MMP24: variants seen among roughly 807,000 people sequenced by gnomAD.
MMP24 encodes the protein matrix metalloproteinase-24.
MMP24 carries 25 observed loss-of-function variants against 62.8 expected under a neutral mutation model. That is an observed-to-expected ratio of 0.40 (90% confidence interval 0.29 to 0.56). The LOEUF (loss-of-function observed/expected upper bound fraction) is 0.56, where lower values mean the gene tolerates loss of function less well. MMP24 is among the 20% of genes least tolerant of loss of function. The pLI is 0.50. For synonymous variants in MMP24, 319 were observed against 350.5 expected (o/e 0.91, Z 1.00); for missense variants, 634 against 853.6 (o/e 0.74, Z 3.21).
chr20:35,249,828 C>T (rs1444219124), intron 2 of MMP24, among the ~76,000 whole-genome samples: 2 of 151,892 alleles, frequency 1.3e-5, no homozygotes, highest in Non-Finnish European at 2.9e-5. Context: ...CTCCTGACCT[C>T]GTGATCCGCC....
chr20:35,267,323 C>T lies in MMP24; in HGVS notation c.1098C>T (p.Leu366=), dbSNP rs560750597. 102 of 1,589,506 alleles carry T rather than the reference C, an allele frequency of 6.4e-5. 1 individual carries two copies. Among genetic ancestry groups the T allele is most frequent in the South Asian group, 6.2e-4 (54 of 87,344 alleles). The change falls in exon 6 of 9, where the codon CTC becomes CTT. Residue 366 remains leucine, a synonymous_variant. Coordinates refer to ENST00000246186, the MANE Select transcript of MMP24 (RefSeq NM_006690.4). The part of the protein sequence containing the change: ...ERQPRPPRPP[L]GDRPSTPGTK... ...AGCCCAGGCCCCCTCGGCCGCCCCT[C>T]GGGGACCGGCCATCCACACCAGGCA...
chr20:35,275,879 T>G lies in MMP24; in HGVS notation c.*1270T>G, dbSNP rs557012812. ...GCCCCAAGCTGAGGGGGCTCCCTTT[T>G]TGACCTTCACTGGCCCGCCCTTCAC... On this transcript the variant is annotated 3_prime_UTR_variant, in exon 9 of 9. Transcript: ENST00000246186. The G allele has an allele frequency of 7.5e-6, 3 of 397,516 alleles. No homozygotes were observed. The South Asian group carries it at 4.3e-4, about 56-fold the overall frequency. 24.6% of individuals were successfully genotyped at this position (397,516 alleles called of 1,614,324 possible). A position where few individuals can be genotyped will look rare whatever the true frequency, so the allele number is the denominator to read the frequency against.
chr20:35,231,918 G>A (rs2060439732), intron 1 of MMP24, among the ~76,000 whole-genome samples: 6 of 152,124 alleles, frequency 3.9e-5, no homozygotes, highest in African/African-American at 2.4e-5. Context: ...TGAGCCTGGT[G>A]GTGCATGCCT....
chr20:35,249,642 G>A (rs924197692), intron 2 of MMP24, among the ~76,000 whole-genome samples: 1 of 151,070 alleles, frequency 6.6e-6, no homozygotes, highest in Non-Finnish European at 1.5e-5. Flanking sequence ...AGGTTGGAGT[G>A]CAGTGGCGGG....
At chr20:35,242,050 A>G (rs1313846842) in intron 1 of MMP24, among the ~76,000 whole-genome samples, 6 of 152,176 alleles carry the variant, frequency 3.9e-5, no homozygotes, top group African/African-American at 1.2e-4. Context: ...ATATTAAAAC[A>G]TAATGTCTTG....
chr20:35,248,459 C>G (rs1440505053), intron 2 of MMP24, among the ~76,000 whole-genome samples: 2 of 152,034 alleles, frequency 1.3e-5, no homozygotes, highest in East Asian at 3.9e-4. Flanking sequence ...GCATGTACCA[C>G]CATGCTGGCT....
chr20:35,257,926 A>C (rs1352857458), intron 4 of MMP24, among the ~76,000 whole-genome samples: 1 of 152,240 alleles, frequency 6.6e-6, no homozygotes. Context: ...GGTGAGAGGC[A>C]AGGAACCAAA....
At chr20:35,260,841 G>C (rs1316218763) in intron 4 of MMP24, among the ~76,000 whole-genome samples, 3 of 152,190 alleles carry the variant, frequency 2.0e-5, no homozygotes, top group African/African-American at 7.2e-5. Context: ...TGCCCCATGG[G>C]GTTCTTCTCT....
Position 35,271,807 on chromosome 20 carries a change from C to A in MMP24, c.1572C>A (p.Pro524=). The change falls in exon 8 of 9, where the codon CCC becomes CCA. Residue 524 remains proline (P), a synonymous_variant. Transcript: ENST00000246186. The surrounding 1 kb of genome is among the most constrained non-coding windows in gnomAD (Gnocchi z 4.0). Reference sequence around the variant, plus strand: ...TGTGGAAGGGCATCCCACAGGCTCCCCAAGGAGCCTTCATCAGCAAGGAAG... The same window carrying A: ...TGTGGAAGGGCATCCCACAGGCTCCACAAGGAGCCTTCATCAGCAAGGAAG... ...ITVWKGIPQA[P]QGAFISKEGY... 1 of 1,609,926 alleles carries A rather than the reference C, an allele frequency of 6.2e-7. No individual in the cohort carries two copies.
At chr20:35,243,814 A>G (rs934342790) in intron 1 of MMP24, among the ~76,000 whole-genome samples, 4 of 152,218 alleles carry the variant, frequency 2.6e-5, no homozygotes, top group Admixed American at 2.0e-4. Flanking sequence ...ACTGAGAAAA[A>G]TATTAGGCAG....
chr20:35,267,181 C>CT, intron 5 of MMP24, 24 bp from the exon 6 acceptor site: 1 of 1,549,094 alleles, frequency 6.5e-7, no homozygotes, highest in Non-Finnish European at 8.8e-7. Context: ...TGCCCCCTCT[C>CT]TAAGATGCAG....
At chr20:35,244,084 A>G (rs1475627581) in intron 1 of MMP24, among the ~76,000 whole-genome samples, 2 of 152,262 alleles carry the variant, frequency 1.3e-5, no homozygotes, top group Non-Finnish European at 2.9e-5. Flanking sequence ...TAACTTATTT[A>G]TAGTTTCTGG....
At chr20:35,253,292 T>TTTTTTTTTTTTTTTG (rs2060557860) in intron 3 of MMP24, among the ~76,000 whole-genome samples, 1 of 140,980 alleles carries the variant, frequency 7.1e-6, no homozygotes, top group African/African-American at 2.7e-5. Flanking sequence ...TTTTTTTTTT[T>TTTTTTTTTTTTTTTG]TCAGAAATCT....
At chr20:35,255,465 A>G (rs1600791655) in intron 4 of MMP24, among the ~76,000 whole-genome samples, 1 of 152,212 alleles carries the variant, frequency 6.6e-6, no homozygotes. Flanking sequence ...TCACCCTCAC[A>G]GGTGAGTAGC....
chr20:35,265,306 G>A (rs6060330), intron 5 of MMP24, among the ~76,000 whole-genome samples: 2,822 of 152,232 alleles, frequency 0.019, 79 homozygotes, highest in African/African-American at 0.064. Context: ...GCCTGGCATG[G>A]TGGTGCACGC....
intron 7 of MMP24, among the ~76,000 whole-genome samples, 176 bp downstream of exon 7, chr20:35,270,074 T>C (rs775373408): frequency 3.3e-5 from 5 of 152,182 alleles, no homozygotes; most frequent in Non-Finnish European, 7.3e-5. Context: ...AGAATCTGTA[T>C]GTGCCGAGAT....
At chr20:35,266,580 C>G (rs1024939587) in intron 5 of MMP24, among the ~76,000 whole-genome samples, 3 of 151,926 alleles carry the variant, frequency 2.0e-5, no homozygotes, top group African/African-American at 7.3e-5. Context: ...AAGAACAGCC[C>G]ATGAGGCAGG....
chr20:35,271,779 C>A lies in MMP24; in HGVS notation c.1544C>A (p.Thr515Asn). The change falls in exon 8 of 9, where the codon ACC becomes AAC. Residue 515 changes from threonine to asparagine, a missense_variant. Around this residue, in one of 3 missense-constraint regions of MMP24, gnomAD observed 399 missense variants for 530.8 expected, o/e 0.75. Transcript: ENST00000246186. The surrounding 1 kb of genome is among the most constrained non-coding windows in gnomAD (Gnocchi z 4.0). ...ATDPGYPKPI[T>N]VWKGIPQAPQ... The stretch of plus-strand genomic sequence containing the variant: ...GACCCTGGCTACCCTAAGCCCATCA[C>A]CGTGTGGAAGGGCATCCCACAGGCT... 1 of 1,606,148 alleles carries A rather than the reference C, an allele frequency of 6.2e-7. No homozygotes were observed.
chr20:35,255,391 C>T (rs2060569757), intron 4 of MMP24, among the ~76,000 whole-genome samples: 1 of 152,078 alleles, frequency 6.6e-6, no homozygotes, highest in Non-Finnish European at 1.5e-5. Flanking sequence ...GTAGTAGGCT[C>T]TGGCCTGAAT....
Sources: gnomAD v4.1 joint callset for allele counts (sites outside exome capture counted in the v4.1 genomes callset) on GRCh38, gnomAD v4.1.1 for gene constraint, gnomAD v4.1.1 regional missense constraint, Gnocchi (gnomAD v3.1) non-coding constraint, MANE v1.5 for transcripts, NCBI Gene and HGNC (gene_info 2026-07-23, HGNC 2026-07-21) for gene names.